ANK1: variants seen among roughly 807,000 people sequenced by gnomAD.
The protein encoded by ANK1 is ankyrin 1.
In ANK1, 51 loss-of-function variants were observed where a neutral mutation model predicts 210.4. That is an observed-to-expected ratio of 0.24 (90% CI 0.19 to 0.31). The LOEUF is 0.31. ANK1 is among the 10% of genes least tolerant of loss of function. ANK1 has a pLI of 1.00. For synonymous variants in ANK1, 967 were observed against 1,025.9 expected (o/e 0.94, Z 1.10); for missense variants, 2,051 against 2,504.4 (o/e 0.82, Z 3.86).
At chr8:41,801,777 T>G (rs1336334515), upstream of ANK1, among the ~76,000 whole-genome samples, 2 of 152,204 alleles carry the variant, frequency 1.3e-5, no homozygotes, top group Non-Finnish European at 2.9e-5. Context: ...TTTTCAGTTA[T>G]GTGCATTGAA....
At chr8:41,797,645 C>G, upstream of ANK1, 1 of 1,545,098 alleles carries the variant, frequency 6.5e-7, no homozygotes, top group South Asian at 1.2e-5. The surrounding 1 kb of genome is among the most constrained non-coding windows in gnomAD (Gnocchi z 4.0). Context: ...ACGTGCGGGC[C>G]AGGCCCCCGA....
chr8:41,752,928 G>C (rs1838135063), intron 2 of ANK1, among the ~76,000 whole-genome samples: 1 of 152,102 alleles, frequency 6.6e-6, no homozygotes, highest in South Asian at 2.1e-4. Context: ...CTATGCTCGG[G>C]AGAAAGACTG....
At chr8:41,693,058 C>T (rs754264382) in intron 30 of ANK1, 47 bp downstream of exon 30, 1 of 1,552,874 alleles carries the variant, frequency 6.4e-7, no homozygotes, top group Non-Finnish European at 8.9e-7. Context: ...CAGCATAGAG[C>T]CTGAGGACGG....
intron 1 of ANK1, among the ~76,000 whole-genome samples, chr8:41,845,860 G>T (rs7006974): frequency 0.89 from 134,869 of 152,230 alleles, 60,145 homozygotes; most frequent in East Asian, 1. Context: ...AAGTACATGC[G>T]GGTGCATGTT....
At chr8:41,683,346 T>C (rs933453283) in intron 37 of ANK1, among the ~76,000 whole-genome samples, 1 of 152,064 alleles carries the variant, frequency 6.6e-6, no homozygotes, top group African/African-American at 2.4e-5. Flanking sequence ...GCTCCCAGGA[T>C]GCAAGATGGC....
Position 41,844,378 on chromosome 8 carries a change from C to T in ANK1, c.126+51977G>A, listed in dbSNP as rs566795640. Among the ~76,000 whole-genome samples, 9 of 152,282 alleles carry T rather than the reference C, an allele frequency of 5.9e-5. No homozygotes were observed. The East Asian group carries it at 1.7e-3, about 29-fold the overall frequency. On this transcript the variant is annotated intron_variant, in intron 1 of 42. Transcript: ENST00000265709. ...AAAAGTGGGCAGATGGGAACAGAGA[C>T]CCTCTGTACCTCTCGGCCCAGGACA...
At chr8:41,801,298 C>A (rs1305538201), upstream of ANK1, among the ~76,000 whole-genome samples, 1 of 152,208 alleles carries the variant, frequency 6.6e-6, no homozygotes, top group Non-Finnish European at 1.5e-5. Flanking sequence ...CTGTTTTCAA[C>A]TTTTTCCTAT....
intron 1 of ANK1, among the ~76,000 whole-genome samples, chr8:41,876,936 T>C (rs997460219): frequency 3.3e-5 from 5 of 152,212 alleles, no homozygotes; most frequent in Non-Finnish European, 5.9e-5. Context: ...GAAAAACTCA[T>C]ATTTTCAAAT....
In ANK1 at chr8:41,723,155, G is replaced by T; in HGVS notation, c.879C>A (p.Asp293Glu). 1 of 1,614,184 alleles carries T rather than the reference G, an allele frequency of 6.2e-7. No homozygotes were observed. Among genetic ancestry groups the T allele is most frequent in the Non-Finnish European group, 8.5e-7 (1 of 1,180,046 alleles). The change falls in exon 9 of 43, where the codon GAC (aspartate) becomes GAA (glutamate). Residue 293 changes from aspartate to glutamate, a missense_variant. Physicochemically the swap from Asp to Glu is conservative, Grantham distance 45. Transcript: ENST00000289734. ...TTTTGGCTTGGATTGGTGCCCCGTG[G>T]TCCAGCAGGATCTCTGAGATTCGCA... ...GHVRISEILL[D>E]HGAPIQAKTK...
chr8:41,776,955 G>A (rs1844189198), intron 1 of ANK1, among the ~76,000 whole-genome samples: 1 of 152,028 alleles, frequency 6.6e-6, no homozygotes, highest in South Asian at 2.1e-4. Context: ...CTTCACACAG[G>A]GCTCATCGTA....
chr8:41,672,145 C>G (rs530362439), intron 38 of ANK1, among the ~76,000 whole-genome samples: 1 of 152,364 alleles, frequency 6.6e-6, no homozygotes, highest in East Asian at 1.9e-4. Flanking sequence ...CCGGGCATAC[C>G]TGGTGGGGTC....
rs1426005447 is a variant in ANK1, at chr8:41,797,483, G to T, written c.27+29C>A. 2 of 1,606,048 alleles carry T rather than the reference G, an allele frequency of 1.2e-6. No individual in the cohort carries two copies. The highest frequency in any genetic ancestry group is 1.7e-6 in the Non-Finnish European group (2 of 1,173,912). On this transcript the variant is annotated intron_variant, in intron 1 of 42. Transcript: ENST00000289734. This position sits in a 1 kb window ranked among gnomAD's most constrained non-coding sequence, Gnocchi z 4.0. ...GGTGGCCCCCTCCTGACATCTCCCCGTCCACCCGAGCAGCCGCCCAGTACT... is the reference window on the plus strand; with the variant it reads ...GGTGGCCCCCTCCTGACATCTCCCCTTCCACCCGAGCAGCCGCCCAGTACT...
chr8:41,803,837 A>G (rs974679470), intron 1 of ANK1, among the ~76,000 whole-genome samples: 3 of 152,048 alleles, frequency 2.0e-5, no homozygotes, highest in African/African-American at 7.2e-5. Flanking sequence ...GATTTTTCTA[A>G]TGCTAAACTA....
chr8:41,842,795 TA>T (rs1809209362), intron 1 of ANK1, among the ~76,000 whole-genome samples: 1 of 152,188 alleles, frequency 6.6e-6, no homozygotes, highest in Non-Finnish European at 1.5e-5. Flanking sequence ...TGTGTGAATC[TA>T]TTATTTAGAT....
At chr8:41,676,787 A>AT (rs1814300866) in intron 37 of ANK1, among the ~76,000 whole-genome samples, 1 of 152,040 alleles carries the variant, frequency 6.6e-6, no homozygotes, top group Non-Finnish European at 1.5e-5. Flanking sequence ...TTCAGTTTAG[A>AT]TTTTTTGCAT....
intron 1 of ANK1, among the ~76,000 whole-genome samples, chr8:41,777,904 GGA>G (rs1424316750): frequency 2.0e-5 from 3 of 152,080 alleles, no homozygotes; most frequent in Admixed American, 6.6e-5. Flanking sequence ...TTTAGCCTTC[GGA>G]GAGAGACATT....
In ANK1 at chr8:41,702,080, T is replaced by C; in HGVS notation, c.2360A>G (p.Lys787Arg). The change falls in exon 21 of 43, where the codon AAG becomes AGG. Residue 787 changes from lysine to arginine, a missense_variant. Lys to Arg is a conservative substitution (Grantham distance 26). This residue lies in a region of ANK1 where 1,413 missense variants were observed against 1,707.4 expected (regional missense o/e 0.83). Transcript: ENST00000289734. ...LGYISVTDVL[K>R]VVTDETSFVL... The stretch of plus-strand genomic sequence containing the variant: ...GAAACTGGTTTCATCCGTGACGACC[T>C]TGAGCACGTCGGTGACAGAAATGTA... The C allele has an allele frequency of 1.2e-6, 2 of 1,614,216 alleles. No homozygotes were observed. Among genetic ancestry groups the C allele is most frequent in the South Asian group, 2.2e-5 (2 of 91,084 alleles).
intron 4 of ANK1, among the ~76,000 whole-genome samples, chr8:41,727,610 G>A (rs1831048089): frequency 6.6e-6 from 1 of 152,176 alleles, no homozygotes; most frequent in African/African-American, 2.4e-5. Context: ...ATGCTGCACT[G>A]CACACCTCAT....
At chr8:41,869,892 G>A (rs1249635190) in intron 1 of ANK1, among the ~76,000 whole-genome samples, 1 of 152,098 alleles carries the variant, frequency 6.6e-6, no homozygotes, top group African/African-American at 2.4e-5. Flanking sequence ...CAATAATGTT[G>A]GACTCTGAGT....
Sources: gnomAD v4.1 joint callset for allele counts (sites outside exome capture counted in the v4.1 genomes callset) on GRCh38, gnomAD v4.1.1 for gene constraint, gnomAD v4.1.1 regional missense constraint, Gnocchi (gnomAD v3.1) non-coding constraint, MANE v1.5 for transcripts, NCBI Gene and HGNC (gene_info 2026-07-23, HGNC 2026-07-21) for gene names.